FSIP1: variants seen among roughly 807,000 people sequenced by gnomAD.
The protein encoded by FSIP1 is fibrous sheath-interacting protein 1.
A neutral mutation model predicts 60.9 loss-of-function variants in FSIP1; 65 were observed. The observed-to-expected ratio is 1.07, with a 90% CI of 0.87 to 1.31. The LOEUF is 1.31. Ranked by LOEUF, FSIP1 falls within the 40% of genes most tolerant of loss-of-function variation. The probability of loss-of-function intolerance (pLI) is 0.00; values close to 1 mark genes in which losing one functional copy is unlikely to be tolerated. For missense variants in FSIP1, 675 were observed against 665.5 expected, an observed-to-expected ratio of 1.01 and a Z score of -0.16; for synonymous variants, 209 against 221.2, an observed-to-expected ratio of 0.94 and a Z score of 0.49.
intron 10 of FSIP1, among the ~76,000 whole-genome samples, chr15:39,665,769 G>A (rs1356514358): frequency 6.6e-6 from 1 of 151,976 alleles, no homozygotes; most frequent in Non-Finnish European, 1.5e-5. Context: ...TGCAGGGGTG[G>A]GTGGAGCTAT....
At position 39,652,974 on chromosome 15, in the gene FSIP1, G is replaced by C. The variant is rs544429818; in HGVS notation, c.1189-34729C>G. On this transcript the variant is annotated intron_variant, in intron 10 of 11. Transcript: ENST00000350221. ...GTGGACCGCTTGAGCTCATGAGTTT[G>C]AGATCAGCCTAAGCAACATGGCAAA... 3.3e-5 allele frequency among the ~76,000 whole-genome samples: 5 copies of C among 152,186 alleles called. No homozygotes were observed. The South Asian group carries it at 1.0e-3, about 32-fold the overall frequency.
chr15:39,690,170 T>A (rs1029275185), intron 10 of FSIP1, among the ~76,000 whole-genome samples: 3 of 152,174 alleles, frequency 2.0e-5, no homozygotes, highest in Admixed American at 1.3e-4. Flanking sequence ...GACTGGGAGC[T>A]ATGGCGAGAG....
chr15:39,662,201 C>T (rs1893324370), intron 10 of FSIP1, among the ~76,000 whole-genome samples: 1 of 151,832 alleles, frequency 6.6e-6, no homozygotes, highest in Non-Finnish European at 1.5e-5. Flanking sequence ...TATTCAAAGG[C>T]ACCCAAGCAA....
chr15:39,742,121 T>C (rs1242082169), intron 5 of FSIP1, among the ~76,000 whole-genome samples: 1 of 152,170 alleles, frequency 6.6e-6, no homozygotes, highest in Non-Finnish European at 1.5e-5. Context: ...GAAGCTAAGA[T>C]AGTTAAACAG....
At chr15:39,666,972 A>G (rs1893520115) in intron 10 of FSIP1, among the ~76,000 whole-genome samples, 1 of 152,224 alleles carries the variant, frequency 6.6e-6, no homozygotes, top group Non-Finnish European at 1.5e-5. Context: ...CAAACTCTAG[A>G]GATTACCATT....
intron 10 of FSIP1, among the ~76,000 whole-genome samples, chr15:39,712,715 T>A (rs1167403128): frequency 6.6e-6 from 1 of 152,162 alleles, no homozygotes. Flanking sequence ...AAAATCATAG[T>A]ATGACAGAGC....
chr15:39,613,986 A>G (rs1891126293), intron 11 of FSIP1, among the ~76,000 whole-genome samples: 1 of 152,224 alleles, frequency 6.6e-6, no homozygotes, highest in Non-Finnish European at 1.5e-5. Context: ...TCTGTAACTA[A>G]CATCATACTC....
intron 11 of FSIP1, among the ~76,000 whole-genome samples, chr15:39,605,619 G>C (rs959488468): frequency 6.6e-6 from 1 of 152,198 alleles, no homozygotes; most frequent in African/African-American, 2.4e-5. Context: ...AGGGCTAGGT[G>C]GGGGCTGTGT....
intron 10 of FSIP1, among the ~76,000 whole-genome samples, chr15:39,621,852 T>C (rs532177948): frequency 2.0e-5 from 3 of 152,352 alleles, no homozygotes; most frequent in Admixed American, 6.5e-5. Context: ...GATTGGAAAC[T>C]TCAACACGAC....
intron 9 of FSIP1, among the ~76,000 whole-genome samples, chr15:39,718,029 C>T (rs1327009623): frequency 9.9e-5 from 15 of 152,122 alleles, no homozygotes; most frequent in Non-Finnish European, 8.8e-5. Flanking sequence ...CCCACAATTC[C>T]AGCTCTTGCT....
downstream of FSIP1, chr15:39,597,764 T>C (rs891982287): frequency 2.6e-5 from 4 of 152,170 alleles, no homozygotes; most frequent in Non-Finnish European, 4.4e-5. Context: ...CTTATTAAGG[T>C]CATTAGATGT....
At chr15:39,641,431 A>G (rs1021685328) in intron 10 of FSIP1, among the ~76,000 whole-genome samples, 1 of 152,196 alleles carries the variant, frequency 6.6e-6, no homozygotes, top group Non-Finnish European at 1.5e-5. Context: ...GATGCCTGTC[A>G]TTTGCCTCTC....
At chr15:39,623,650 G>T (rs1019284408) in intron 10 of FSIP1, among the ~76,000 whole-genome samples, 6 of 152,138 alleles carry the variant, frequency 3.9e-5, no homozygotes, top group Non-Finnish European at 8.8e-5. Flanking sequence ...TGGCTATAAG[G>T]AACAGAAACC....
chr15:39,770,319 T>C (rs1355262664), intron 3 of FSIP1, 108 bp downstream of exon 3: 1 of 791,470 alleles, frequency 1.3e-6, no homozygotes, highest in Non-Finnish European at 1.8e-6. Flanking sequence ...TTATTATTTA[T>C]ATTTAGTTGA....
chr15:39,661,238 C>A (rs1372484743), intron 10 of FSIP1, among the ~76,000 whole-genome samples: 2 of 152,050 alleles, frequency 1.3e-5, no homozygotes, highest in Non-Finnish European at 2.9e-5. Flanking sequence ...CATTTATTTT[C>A]TTAACAAACT....
intron 3 of FSIP1, among the ~76,000 whole-genome samples, chr15:39,766,380 C>T (rs370644989): frequency 3.9e-5 from 6 of 152,112 alleles, no homozygotes; most frequent in Non-Finnish European, 5.9e-5. Context: ...TTATGATTAA[C>T]GATAATAATA....
At position 39,741,812 on chromosome 15, in the gene FSIP1, G is replaced by C; in HGVS notation, c.648C>G (p.Leu216=). Residue 216 remains leucine, a synonymous_variant, in exon 6 of 12, where the codon CTC becomes CTG. Transcript: ENST00000350221. The stretch of plus-strand genomic sequence containing the variant: ...ACACAAATTTAAATATACCTTTATT[G>C]AGTTTCTGCATCTGCATTTCATATT... ...PEEYEMQMQK[L]NKDFTCDVER... is the part of the protein sequence containing the mutation. 1 of 1,536,736 alleles carries C rather than the reference G, an allele frequency of 6.5e-7. No individual in the cohort carries two copies. The highest frequency in any genetic ancestry group is 9.0e-7 in the Non-Finnish European group (1 of 1,110,726).
chr15:39,609,050 T>C (rs1210335387), intron 11 of FSIP1, among the ~76,000 whole-genome samples: 1 of 152,160 alleles, frequency 6.6e-6, no homozygotes, highest in Non-Finnish European at 1.5e-5. Flanking sequence ...CCCAACATTC[T>C]GGGACCCTGA....
intron 11 of FSIP1, among the ~76,000 whole-genome samples, chr15:39,607,823 T>C (rs1353850370): frequency 6.6e-6 from 1 of 152,210 alleles, no homozygotes; most frequent in African/African-American, 2.4e-5. Context: ...CTTTTCTTAT[T>C]TTCTTCCTGT....
Sources: allele counts gnomAD v4.1 joint callset (sites outside exome capture counted in the v4.1 genomes callset), GRCh38; gene constraint gnomAD v4.1.1; transcripts MANE v1.5; gene names NCBI Gene and HGNC (gene_info 2026-07-23, HGNC 2026-07-21).